Variants in CORIN observed in about 807,000 individuals in gnomAD.
CORIN encodes atrial natriuretic peptide-converting enzyme.
CORIN carries 117 observed loss-of-function variants against 125.3 expected under a neutral mutation model. That is an observed-to-expected ratio of 0.93 (90% CI 0.80 to 1.09). The LOEUF is 1.09. Ranked by LOEUF, CORIN falls within the 50% of genes least tolerant of loss-of-function variation. The pLI is 0.00. For synonymous variants in CORIN, 450 were observed against 466.4 expected (o/e 0.96, Z 0.45); for missense variants, 1,253 against 1,306.7 (o/e 0.96, Z 0.63).
At chr4:47,798,600 A>T (rs1043152323) in intron 2 of CORIN, among the ~76,000 whole-genome samples, 7 of 152,182 alleles carry the variant, frequency 4.6e-5, no homozygotes, top group Admixed American at 3.9e-4. Flanking sequence ...CAAAATAAGG[A>T]ATATTTATTT....
chr4:47,598,824 C>A (rs997516187), intron 21 of CORIN, among the ~76,000 whole-genome samples: 1 of 151,952 alleles, frequency 6.6e-6, no homozygotes, highest in Non-Finnish European at 1.5e-5. Context: ...GCAGAGAGCC[C>A]GAAACATAAT....
At chr4:47,751,019 C>A (rs1728875894) in intron 4 of CORIN, among the ~76,000 whole-genome samples, 1 of 152,200 alleles carries the variant, frequency 6.6e-6, no homozygotes, top group Non-Finnish European at 1.5e-5. Flanking sequence ...GTTTACACCA[C>A]AAGAATCAGC....
chr4:47,693,015 T>C lies in CORIN; in HGVS notation c.868A>G (p.Asn290Asp), dbSNP rs757584773. 6.8e-6 allele frequency: 11 copies of C among 1,613,804 alleles called. No homozygotes were observed. The highest frequency in any genetic ancestry group is 9.3e-6 in the Non-Finnish European group (11 of 1,179,864). ...CAGTCGTCACAGTCGTTGTAGCCAT[T>C]ACATTGCAGTTTCCCGGGGATGCAG... ...GICIPGKLQC[N>D]GYNDCDDWSD... Residue 290 changes from asparagine (N) to aspartate (D), a missense_variant, in exon 6 of 22, where the codon AAT becomes GAT. Coordinates refer to ENST00000273857, the MANE Select transcript of CORIN (RefSeq NM_006587.4).
intron 19 of CORIN, among the ~76,000 whole-genome samples, chr4:47,607,420 T>A (rs1187137328): frequency 2.0e-5 from 3 of 150,630 alleles, no homozygotes; most frequent in Non-Finnish European, 4.4e-5. Flanking sequence ...AAAAAAAAAA[T>A]TCCACCAAAA....
chr4:47,702,279 G>A (rs372083380), intron 5 of CORIN, among the ~76,000 whole-genome samples: 1 of 152,030 alleles, frequency 6.6e-6, no homozygotes, highest in South Asian at 2.1e-4. Context: ...ACAAATACAG[G>A]ATGGTTTCTA....
chr4:47,752,672 A>C (rs1002280770), intron 4 of CORIN, among the ~76,000 whole-genome samples: 1 of 152,220 alleles, frequency 6.6e-6, no homozygotes, highest in African/African-American at 2.4e-5. Context: ...TGTCCCTCTT[A>C]AAATACAGAA....
Position 47,749,194 on chromosome 4 carries a change from A to G in CORIN, c.618-4611T>C, listed in dbSNP as rs559251830. 9.2e-5 allele frequency among the ~76,000 whole-genome samples: 14 copies of G among 152,064 alleles called. No individual in the cohort carries two copies. The South Asian group carries it at 2.7e-3, about 29-fold the overall frequency. On this transcript the variant is annotated intron_variant, in intron 4 of 21. Coordinates refer to ENST00000273857, the MANE Select transcript of CORIN (RefSeq NM_006587.4). ...CAATGATCTCTGCTTCCTGGTATTC[A>G]TGCCCTGTTTAATCCCCTCCTCTGG...
intron 16 of CORIN, among the ~76,000 whole-genome samples, chr4:47,630,742 A>G (rs889084709): frequency 6.6e-6 from 1 of 152,158 alleles, no homozygotes; most frequent in African/African-American, 2.4e-5. Flanking sequence ...GAACTCTTGG[A>G]CTCCTGAGAA....
At chr4:47,758,625 T>G (rs571435500) in intron 4 of CORIN, among the ~76,000 whole-genome samples, 1 of 152,182 alleles carries the variant, frequency 6.6e-6, no homozygotes, top group African/African-American at 2.4e-5. Flanking sequence ...CCAAATCTCA[T>G]CTTAAATTGT....
intron 3 of CORIN, among the ~76,000 whole-genome samples, chr4:47,773,547 C>T (rs1250531487): frequency 6.6e-6 from 1 of 152,128 alleles, no homozygotes; most frequent in Non-Finnish European, 1.5e-5. Flanking sequence ...ATTCAGAATC[C>T]TCTAAACTTA....
chr4:47,608,238 T>C (rs951573140), intron 19 of CORIN, among the ~76,000 whole-genome samples: 1 of 152,040 alleles, frequency 6.6e-6, no homozygotes, highest in African/African-American at 2.4e-5. Context: ...TAAGAATCGC[T>C]TGAACCTGGG....
At chr4:47,672,156 A>C (rs981347514) in intron 10 of CORIN, among the ~76,000 whole-genome samples, 1 of 152,196 alleles carries the variant, frequency 6.6e-6, no homozygotes, top group Non-Finnish European at 1.5e-5. Context: ...ACTTCTAAGA[A>C]GCTAGAAGCC....
chr4:47,652,777 G>C (rs1007816073), intron 13 of CORIN: 3 of 152,170 alleles, frequency 2.0e-5, no homozygotes, highest in African/African-American at 7.2e-5. Flanking sequence ...ATCCCAATTA[G>C]ACTGGGAATG....
At chr4:47,723,465 A>G (rs1727445083) in intron 5 of CORIN, among the ~76,000 whole-genome samples, 1 of 152,160 alleles carries the variant, frequency 6.6e-6, no homozygotes, top group African/African-American at 2.4e-5. Flanking sequence ...TGGGAAATAC[A>G]CTCATGGGGA....
At chr4:47,612,149 C>T (rs953085580) in intron 19 of CORIN, among the ~76,000 whole-genome samples, 19 of 152,140 alleles carry the variant, frequency 1.2e-4, no homozygotes, top group South Asian at 4.1e-4. Context: ...ACCAGCTCCT[C>T]TTTGTACCTT....
chr4:47,720,277 T>C (rs1253364727), intron 5 of CORIN, among the ~76,000 whole-genome samples: 4 of 152,206 alleles, frequency 2.6e-5, no homozygotes, highest in Non-Finnish European at 5.9e-5. Context: ...TTAGAAGTCA[T>C]CCAACAGGTG....
intron 3 of CORIN, among the ~76,000 whole-genome samples, chr4:47,772,135 C>CT (rs781056413): frequency 5.3e-5 from 8 of 149,796 alleles, no homozygotes; most frequent in Non-Finnish European, 1.0e-4. Context: ...ATAATTGTCT[C>CT]TATCTTATTC....
chr4:47,718,625 A>G (rs1385347496), intron 5 of CORIN, among the ~76,000 whole-genome samples: 1 of 152,206 alleles, frequency 6.6e-6, no homozygotes, highest in Admixed American at 6.5e-5. Flanking sequence ...TTTTAGACTA[A>G]ACAATATTTA....
At chr4:47,761,009 T>TGCTCTAGA (rs1428306076) in intron 4 of CORIN, among the ~76,000 whole-genome samples, 1 of 152,240 alleles carries the variant, frequency 6.6e-6, no homozygotes, top group Non-Finnish European at 1.5e-5. Context: ...GTTACAATCT[T>TGCTCTAGA]GCTCTAGATT....
Sources: gnomAD v4.1 joint callset for allele counts (sites outside exome capture counted in the v4.1 genomes callset) on GRCh38, gnomAD v4.1.1 for gene constraint, MANE v1.5 for transcripts, NCBI Gene and HGNC (gene_info 2026-07-23, HGNC 2026-07-21) for gene names.